Variants in CFAP58 observed in about 807,000 individuals in gnomAD.
CFAP58 encodes the protein cilia- and flagella-associated protein 58.
In CFAP58, 88 loss-of-function variants were observed where a neutral mutation model predicts 119.5. The observed-to-expected ratio is 0.74, with a 90% CI of 0.62 to 0.88. CFAP58 has a LOEUF of 0.88. Among genes scored for constraint, CFAP58 ranks in the 40% least tolerant of loss-of-function variants. The pLI is 0.00. For missense variants in CFAP58, 990 were observed against 1,021.2 expected (o/e 0.97, Z 0.42); for synonymous variants, 365 against 366.3 (o/e 1.00, Z 0.04).
intron 1 of CFAP58, among the ~76,000 whole-genome samples, chr10:104,357,856 T>TGC (rs1332793694): frequency 2.9e-5 from 2 of 68,312 alleles, no homozygotes; most frequent in Non-Finnish European, 7.1e-5. Flanking sequence ...TACACATATA[T>TGC]ACACATATAT....
At chr10:104,369,343 T>C (rs2014793340) in intron 6 of CFAP58, among the ~76,000 whole-genome samples, 1 of 152,222 alleles carries the variant, frequency 6.6e-6, no homozygotes, top group Non-Finnish European at 1.5e-5. Context: ...ATATCTTACA[T>C]CTTGTGTTGC....
intron 15 of CFAP58, among the ~76,000 whole-genome samples, chr10:104,436,578 T>G (rs970805362): frequency 1.3e-5 from 2 of 151,890 alleles, no homozygotes; most frequent in Admixed American, 1.3e-4. Context: ...GGAGGGAAGG[T>G]GCCACACACC....
intron 15 of CFAP58, among the ~76,000 whole-genome samples, chr10:104,409,142 A>G (rs1452205903): frequency 1.3e-5 from 2 of 152,064 alleles, no homozygotes; most frequent in South Asian, 2.1e-4. Flanking sequence ...AGGTTTTGAT[A>G]TGGGGAATTT....
intron 3 of CFAP58, among the ~76,000 whole-genome samples, chr10:104,362,730 C>T (rs1589908744): frequency 6.6e-6 from 1 of 152,202 alleles, no homozygotes; most frequent in African/African-American, 2.4e-5. Flanking sequence ...AACTGGTCTC[C>T]CTGCCTACAG....
chr10:104,406,014 C>G (rs769841223), intron 14 of CFAP58, among the ~76,000 whole-genome samples: 3 of 152,100 alleles, frequency 2.0e-5, no homozygotes, highest in African/African-American at 7.2e-5. Flanking sequence ...GAGGATTGCT[C>G]GATCCCCCAG....
At chr10:104,399,105 A>T (rs1215711409) in intron 11 of CFAP58, among the ~76,000 whole-genome samples, 1 of 152,156 alleles carries the variant, frequency 6.6e-6, no homozygotes, top group African/African-American at 2.4e-5. Context: ...TAGAAAAATG[A>T]TAGAAATCCC....
At chr10:104,371,078 C>G in intron 7 of CFAP58, 24 bp downstream of exon 7, 3 of 1,582,788 alleles carry the variant, frequency 1.9e-6, no homozygotes, top group Non-Finnish European at 2.6e-6. Context: ...CGCTTTTATT[C>G]ATTTAGAAAC....
the CFAP58 span, among the ~76,000 whole-genome samples, chr10:104,339,782 G>A: frequency 6.6e-6 from 1 of 152,158 alleles, no homozygotes; most frequent in African/African-American, 2.4e-5. Context: ...AATTTTGGGG[G>A]CCAGTATGTG....
At position 104,364,881 on chromosome 10, in the gene CFAP58, A is replaced by G; in HGVS notation, c.589A>G (p.Ile197Val). 6.2e-7 allele frequency: 1 copy of G among 1,611,762 alleles called. No homozygotes were observed. Among genetic ancestry groups the G allele is most frequent in the Non-Finnish European group, 8.5e-7 (1 of 1,179,026 alleles). Residue 197 changes from isoleucine to valine, a missense_variant, in exon 4 of 18, where the codon ATC becomes GTC. Transcript: ENST00000369704. ...ATCAAAAGAGGAGGCTGAACATGCC[A>G]TCAGTCAGGTCTGCCATGGAGGGCA... The part of the protein sequence containing the change: ...ERSKEEAEHA[I>V]SQFQQEIQQR...
At chr10:104,378,099 A>G (rs1175367555) in intron 8 of CFAP58, among the ~76,000 whole-genome samples, 1 of 152,166 alleles carries the variant, frequency 6.6e-6, no homozygotes, top group Non-Finnish European at 1.5e-5. Flanking sequence ...CCTTTAGGGC[A>G]GGGTATACTT....
At chr10:104,396,873 AG>A (rs2012173349) in intron 11 of CFAP58, among the ~76,000 whole-genome samples, 2 of 152,180 alleles carry the variant, frequency 1.3e-5, no homozygotes, top group African/African-American at 4.8e-5. Flanking sequence ...ATTAGACCCA[AG>A]GTATTTTGTT....
chr10:104,380,145 G>A lies in CFAP58; in HGVS notation c.1290G>A (p.Lys430=). The A allele has an allele frequency of 1.2e-6, 2 of 1,614,144 alleles. No individual in the cohort carries two copies. Among genetic ancestry groups the A allele is most frequent in the South Asian group, 1.1e-5 (1 of 91,088 alleles). Reference sequence around the variant, plus strand: ...AGAACTACAAGGATGAGGCTCAGAAGCAGAGAAAGATCATCTTTCATCTGG... The same window carrying A: ...AGAACTACAAGGATGAGGCTCAGAAACAGAGAAAGATCATCTTTCATCTGG... The part of the protein sequence containing the change: ...EIQNYKDEAQ[K]QRKIIFHLEK... The change falls in exon 9 of 18, where the codon AAG becomes AAA. Residue 430 remains lysine, a synonymous_variant. Transcript: ENST00000369704.
chr10:104,363,641 T>C (rs2014702069), intron 3 of CFAP58, among the ~76,000 whole-genome samples: 1 of 152,256 alleles, frequency 6.6e-6, no homozygotes, highest in Non-Finnish European at 1.5e-5. Context: ...TAATTTTATC[T>C]TTAACAGTGT....
intron 9 of CFAP58, among the ~76,000 whole-genome samples, chr10:104,383,149 A>G (rs927909513): frequency 6.6e-6 from 1 of 152,152 alleles, no homozygotes; most frequent in East Asian, 1.9e-4. Flanking sequence ...TGCATGGCAC[A>G]TTCCTATTCA....
chr10:104,413,784 A>G (rs978576099), intron 15 of CFAP58, among the ~76,000 whole-genome samples: 2 of 151,992 alleles, frequency 1.3e-5, no homozygotes, highest in African/African-American at 4.8e-5. Context: ...ATAAGGCATG[A>G]TAGCATTGGC....
intron 2 of CFAP58, among the ~76,000 whole-genome samples, chr10:104,361,355 G>A (rs1468341229): frequency 6.6e-6 from 1 of 152,190 alleles, no homozygotes; most frequent in African/African-American, 2.4e-5. Context: ...GAATTACCAA[G>A]GTTGTTGGGT....
At chr10:104,406,097 AAAC>A (rs1485862596) in intron 14 of CFAP58, among the ~76,000 whole-genome samples, 2 of 152,224 alleles carry the variant, frequency 1.3e-5, no homozygotes, top group Non-Finnish European at 1.5e-5. Flanking sequence ...ACCCTGTCTC[AAAC>A]AACAACAACA....
At chr10:104,445,423 A>G (rs2013099757) in intron 15 of CFAP58, among the ~76,000 whole-genome samples, 1 of 152,170 alleles carries the variant, frequency 6.6e-6, no homozygotes, top group Admixed American at 6.6e-5. Flanking sequence ...GATAAATGAC[A>G]ACATCATTCA....
intron 9 of CFAP58, among the ~76,000 whole-genome samples, chr10:104,390,888 T>C (rs1284748698): frequency 6.6e-6 from 1 of 152,144 alleles, no homozygotes; most frequent in Non-Finnish European, 1.5e-5. Context: ...ATTGACCCAA[T>C]AAGAAAGAAT....
Sources: allele counts gnomAD v4.1 joint callset (sites outside exome capture counted in the v4.1 genomes callset), GRCh38; gene constraint gnomAD v4.1.1; transcripts MANE v1.5; gene names NCBI Gene and HGNC (gene_info 2026-07-23, HGNC 2026-07-21).